Variants in MSI2 observed in about 807,000 individuals in gnomAD.
MSI2 encodes RNA-binding protein Musashi homolog 2.
Under a neutral mutation model 45.6 loss-of-function variants are expected in MSI2, and 17 were observed. The ratio of observed to expected loss-of-function variants is 0.37; its 90% CI spans 0.26 to 0.56. The LOEUF is 0.56. MSI2 is among the 20% of genes least tolerant of loss of function. The probability of loss-of-function intolerance (pLI) is 0.77; values close to 1 mark genes in which losing one functional copy is unlikely to be tolerated. For missense variants in MSI2, 293 were observed against 444.2 expected, an observed-to-expected ratio of 0.66 and a Z score of 3.06; for synonymous variants, 156 against 158.2, an observed-to-expected ratio of 0.99 and a Z score of 0.11.
chr17:57,663,014 C>T (rs2144717112), intron 11 of MSI2, among the ~76,000 whole-genome samples: 1 of 152,324 alleles, frequency 6.6e-6, no homozygotes, highest in East Asian at 1.9e-4. Flanking sequence ...GCGGGCTTCT[C>T]TGGGAAGACA....
intron 7 of MSI2, among the ~76,000 whole-genome samples, chr17:57,545,117 T>C (rs1241276240): frequency 3.3e-5 from 5 of 152,080 alleles, no homozygotes; most frequent in African/African-American, 1.2e-4. Context: ...AAAGGAAAGA[T>C]TTTCAAAGGA....
In MSI2 at chr17:57,683,994, C is replaced by T. The variant is rs193175333; in HGVS notation, c.*4477C>T. 1.1e-3 allele frequency: 261 copies of T among 228,522 alleles called. 1 individual carries two copies. The highest frequency in any genetic ancestry group is 3.9e-3 in the Middle Eastern group (3 of 762). 14.2% of individuals were successfully genotyped at this position (228,522 alleles called of 1,614,324 possible). ...ACAAAAACATATAAATAAAATCCAT[C>T]CCTCTTGTCGGGGACCTGCAGGGGG... On this transcript the variant is annotated 3_prime_UTR_variant, in exon 14 of 14. Coordinates refer to ENST00000284073, the MANE Select transcript of MSI2 (RefSeq NM_138962.4). The surrounding 1 kb of genome is among the most constrained non-coding windows in gnomAD (Gnocchi z 5.2).
At chr17:57,557,241 A>T (rs1401620974) in intron 7 of MSI2, among the ~76,000 whole-genome samples, 1 of 152,172 alleles carries the variant, frequency 6.6e-6, no homozygotes, top group Non-Finnish European at 1.5e-5. Flanking sequence ...AGGCAACCAG[A>T]TGGGAGGTGG....
rs145126533 is a variant in MSI2, at chr17:57,484,928, T to G, written c.406-44748T>G. Reference sequence around the variant, plus strand: ...TCTCTCGGGGAAACATGGTCTCACCTTTCTGTAAACTCCCCTGGGTTTTAT... The same window carrying G: ...TCTCTCGGGGAAACATGGTCTCACCGTTCTGTAAACTCCCCTGGGTTTTAT... On this transcript the variant is annotated intron_variant, in intron 6 of 13. Transcript: ENST00000284073. Among the ~76,000 whole-genome samples, 76 of 152,330 alleles carry G rather than the reference T, an allele frequency of 5.0e-4. 1 individual carries two copies. The East Asian group carries it at 6.8e-3, about 14-fold the overall frequency.
At chr17:57,365,531 A>C (rs1917126867) in intron 5 of MSI2, among the ~76,000 whole-genome samples, 1 of 152,126 alleles carries the variant, frequency 6.6e-6, no homozygotes, top group Non-Finnish European at 1.5e-5. Context: ...GGTGTTCTGC[A>C]GGCAGGGTAG....
chr17:57,579,522 C>T, intron 7 of MSI2, among the ~76,000 whole-genome samples: 1 of 152,176 alleles, frequency 6.6e-6, no homozygotes, highest in East Asian at 1.9e-4. Flanking sequence ...ATCAGGACAT[C>T]TGAGGACCCC....
At chr17:57,618,321 TG>T in intron 9 of MSI2, 1 of 152,296 alleles carries the variant, frequency 6.6e-6, no homozygotes, top group Non-Finnish European at 1.5e-5. Flanking sequence ...AACTCTGTGC[TG>T]ATCAGAGTGG....
intron 5 of MSI2, among the ~76,000 whole-genome samples, chr17:57,323,338 C>T (rs1033459427): frequency 2.6e-5 from 4 of 152,182 alleles, no homozygotes; most frequent in South Asian, 2.1e-4. Flanking sequence ...TGAGAGAGTC[C>T]GTTTTCCCAT....
rs77554879 is a variant in MSI2 at position 57,516,443 on chromosome 17, T to G, written c.406-13233T>G. ...TTCCCCCTGTGTTTCCAAAAGATGG[T>G]TTATTTGCATGCGACCCATTGCATC... On this transcript the variant is annotated intron_variant, in intron 6 of 13. Transcript: ENST00000284073. Among the ~76,000 whole-genome samples the G allele has an allele frequency of 7.4e-4, 113 of 152,234 alleles. 1 individual carries two copies. The East Asian group carries it at 0.021, about 28-fold the overall frequency.
the MSI2 span, among the ~76,000 whole-genome samples, chr17:57,700,404 A>T: frequency 6.6e-6 from 1 of 152,238 alleles, no homozygotes; most frequent in Non-Finnish European, 1.5e-5. Context: ...AGTCATGGTC[A>T]TGAATATCAG....
intron 7 of MSI2, among the ~76,000 whole-genome samples, chr17:57,579,101 A>G (rs904635387): frequency 2.0e-5 from 3 of 152,356 alleles, no homozygotes; most frequent in Non-Finnish European, 4.4e-5. Flanking sequence ...AGCATATGGT[A>G]TGTGATTATC....
At chr17:57,501,907 A>AG (rs1211531914) in intron 6 of MSI2, among the ~76,000 whole-genome samples, 3 of 152,216 alleles carry the variant, frequency 2.0e-5, no homozygotes, top group Non-Finnish European at 4.4e-5. Flanking sequence ...CATTTATTAC[A>AG]GGTCTATTTC....
intron 6 of MSI2, among the ~76,000 whole-genome samples, chr17:57,418,896 A>C (rs533447117): frequency 1.3e-5 from 2 of 152,346 alleles, no homozygotes; most frequent in South Asian, 2.1e-4. Flanking sequence ...GGAAATTAAC[A>C]CTTGGAAATT....
intron 10 of MSI2, among the ~76,000 whole-genome samples, chr17:57,635,188 G>A (rs550696003): frequency 6.6e-6 from 1 of 152,296 alleles, no homozygotes; most frequent in East Asian, 1.9e-4. Flanking sequence ...AGCATCTTGG[G>A]TGGGAGGAGA....
At chr17:57,621,979 C>T (rs1033959601) in intron 9 of MSI2, among the ~76,000 whole-genome samples, 5 of 152,180 alleles carry the variant, frequency 3.3e-5, no homozygotes, top group Admixed American at 6.5e-5. Flanking sequence ...GGGCAGATCA[C>T]CTGAGGTCAG....
intron 6 of MSI2, among the ~76,000 whole-genome samples, chr17:57,513,894 A>G (rs1271553693): frequency 6.6e-6 from 1 of 152,244 alleles, no homozygotes; most frequent in East Asian, 1.9e-4. Context: ...GTTGAGGAGC[A>G]GTTTAATTAA....
intron 8 of MSI2, among the ~76,000 whole-genome samples, chr17:57,597,373 A>G (rs1352096841): frequency 6.6e-6 from 1 of 151,104 alleles, no homozygotes; most frequent in South Asian, 2.1e-4. Flanking sequence ...GCTCACGCCT[A>G]TAACCTCTGC....
chr17:57,651,912 G>A (rs1190498481), intron 10 of MSI2, among the ~76,000 whole-genome samples, 187 bp from the exon 11 acceptor site: 1 of 152,212 alleles, frequency 6.6e-6, no homozygotes, highest in Non-Finnish European at 1.5e-5. Flanking sequence ...CGCACCTAAA[G>A]ATGTTGTGCC....
chr17:57,319,654 C>G (rs1056756954), intron 5 of MSI2, among the ~76,000 whole-genome samples: 5 of 152,096 alleles, frequency 3.3e-5, no homozygotes, highest in Middle Eastern at 6.3e-3. Context: ...ACTCTGTTGC[C>G]CAGGCTGGAG....
Sources: gnomAD v4.1 joint callset for allele counts (sites outside exome capture counted in the v4.1 genomes callset) on GRCh38, gnomAD v4.1.1 for gene constraint, Gnocchi (gnomAD v3.1) non-coding constraint, MANE v1.5 for transcripts, NCBI Gene and HGNC (gene_info 2026-07-23, HGNC 2026-07-21) for gene names.